YAP1: variants seen among roughly 807,000 people sequenced by gnomAD.
The protein encoded by YAP1 is transcriptional coactivator YAP1.
Under a neutral mutation model 56.9 loss-of-function variants are expected in YAP1, and 5 were observed. The observed-to-expected ratio is 0.09, with a 90% CI of 0.05 to 0.18. YAP1 has a LOEUF of 0.18. Ranked by LOEUF, YAP1 falls within the 10% of genes least tolerant of loss-of-function variation. YAP1 has a pLI of 1.00. For synonymous variants in YAP1, 265 were observed against 248.1 expected, an observed-to-expected ratio of 1.07 and a Z score of -0.64; for missense variants, 539 against 651.8, an observed-to-expected ratio of 0.83 and a Z score of 1.88.
At chr11:102,150,946 G>A (rs1390057010) in intron 2 of YAP1, among the ~76,000 whole-genome samples, 3 of 151,598 alleles carry the variant, frequency 2.0e-5, no homozygotes, top group African/African-American at 4.8e-5. Flanking sequence ...GATTACAGGT[G>A]TGCACCACCA....
intron 3 of YAP1, among the ~76,000 whole-genome samples, chr11:102,162,883 T>G (rs1946377500): frequency 6.6e-6 from 1 of 152,208 alleles, no homozygotes; most frequent in Non-Finnish European, 1.5e-5. Context: ...GCTGCTTTCT[T>G]GTGTCTCAGG....
chr11:102,139,662 C>G (rs896417656), intron 2 of YAP1, among the ~76,000 whole-genome samples: 1 of 152,138 alleles, frequency 6.6e-6, no homozygotes, highest in African/African-American at 2.4e-5. Flanking sequence ...TACTTAAAAT[C>G]AAACCATCTT....
chr11:102,215,326 T>A (rs752146531), intron 6 of YAP1, among the ~76,000 whole-genome samples: 17 of 152,174 alleles, frequency 1.1e-4, no homozygotes, highest in Non-Finnish European at 1.9e-4. Context: ...ACAAATTGAT[T>A]ACCACCCTCC....
intron 2 of YAP1, among the ~76,000 whole-genome samples, chr11:102,161,053 C>CTTTTTTTT (rs67023819): frequency 2.3e-4 from 17 of 75,492 alleles, no homozygotes; most frequent in African/African-American, 4.5e-4. Flanking sequence ...TAATTTCTTT[C>CTTTTTTTT]TTTTTTTTTT....
intron 2 of YAP1, among the ~76,000 whole-genome samples, chr11:102,128,324 T>C (rs536613533): frequency 1.6e-4 from 25 of 152,212 alleles, no homozygotes; most frequent in African/African-American, 5.8e-4. Flanking sequence ...GGGTCTAGTC[T>C]TTCCCGTGCT....
chr11:102,157,357 A>G (rs1946015483), intron 2 of YAP1, among the ~76,000 whole-genome samples: 1 of 152,218 alleles, frequency 6.6e-6, no homozygotes, highest in African/African-American at 2.4e-5. Context: ...CATTGTTCCT[A>G]GAGTCAGTTA....
intron 6 of YAP1, among the ~76,000 whole-genome samples, chr11:102,219,501 G>A (rs1177638834): frequency 6.6e-6 from 1 of 152,068 alleles, no homozygotes; most frequent in Non-Finnish European, 1.5e-5. Flanking sequence ...GGTATTGAGA[G>A]GATGTGTCCT....
chr11:102,135,853 A>G (rs1944644081), intron 2 of YAP1, among the ~76,000 whole-genome samples: 1 of 152,130 alleles, frequency 6.6e-6, no homozygotes, highest in Non-Finnish European at 1.5e-5. Context: ...CTTTTGATCA[A>G]TTTTGTGGGA....
intron 3 of YAP1, among the ~76,000 whole-genome samples, chr11:102,180,421 G>T (rs945300271): frequency 6.6e-6 from 1 of 151,856 alleles, no homozygotes; most frequent in Admixed American, 6.5e-5. Context: ...GGTGGCTCAC[G>T]CCTGTAATCC....
intron 3 of YAP1, among the ~76,000 whole-genome samples, chr11:102,170,775 C>T (rs539005751): frequency 1.3e-5 from 2 of 152,186 alleles, no homozygotes; most frequent in South Asian, 2.1e-4. Flanking sequence ...TCAAGACCAG[C>T]TTGGCCAACA....
intron 2 of YAP1, among the ~76,000 whole-genome samples, chr11:102,150,216 T>C (rs1945556079): frequency 6.6e-6 from 1 of 151,914 alleles, no homozygotes; most frequent in African/African-American, 2.4e-5. Flanking sequence ...ACTCCTGAGC[T>C]CAGGTGATCC....
chr11:102,164,778 A>C (rs966822095), intron 3 of YAP1, among the ~76,000 whole-genome samples: 4 of 151,938 alleles, frequency 2.6e-5, no homozygotes, highest in African/African-American at 9.7e-5. Flanking sequence ...GCTGGAGTGC[A>C]ATGGCACGAT....
At chr11:102,145,673 T>A (rs924514612) in intron 2 of YAP1, among the ~76,000 whole-genome samples, 3 of 152,328 alleles carry the variant, frequency 2.0e-5, no homozygotes, top group Admixed American at 1.3e-4. Context: ...ATGTAAAATG[T>A]TGACTGTATT....
At chr11:102,223,324 A>C (rs1032582789) in intron 6 of YAP1, among the ~76,000 whole-genome samples, 2 of 151,558 alleles carry the variant, frequency 1.3e-5, no homozygotes, top group Non-Finnish European at 2.9e-5. Context: ...AACCCAAAGG[A>C]GGATTTGGGA....
chr11:102,111,416 C>T (rs553369625), intron 1 of YAP1, among the ~76,000 whole-genome samples: 90 of 152,130 alleles, frequency 5.9e-4, no homozygotes, highest in African/African-American at 2.0e-3. Flanking sequence ...GCGGTTGCAG[C>T]CCCGGGGGGC....
chr11:102,197,334 A>G (rs541932921), intron 4 of YAP1, among the ~76,000 whole-genome samples: 7 of 152,298 alleles, frequency 4.6e-5, no homozygotes, highest in African/African-American at 9.6e-5. Context: ...TATTATTGTA[A>G]ATGTATACCC....
intron 7 of YAP1, among the ~76,000 whole-genome samples, chr11:102,226,093 T>C (rs1341376880): frequency 3.3e-5 from 5 of 152,306 alleles, no homozygotes; most frequent in Non-Finnish European, 7.3e-5. Flanking sequence ...CTGATGTGTG[T>C]CCCATGCTTA....
rs1942853316 is a variant in YAP1, at chr11:102,110,907, C to T, written c.59C>T (p.Pro20Leu). 5 of 1,435,128 alleles carry T rather than the reference C, an allele frequency of 3.5e-6. No homozygotes were observed. Among genetic ancestry groups the T allele is most frequent in the Middle Eastern group, 2.5e-4 (1 of 3,942 alleles). The allele number at this position is 1,435,128 out of a possible 1,614,324, so 88.9% of individuals were successfully genotyped here. Residue 20 changes from proline to leucine, a missense_variant, in exon 1 of 9, where the codon CCT becomes CTT. Coordinates refer to ENST00000282441, the MANE Select transcript of YAP1 (RefSeq NM_001130145.3). ...QPAPQGQGQPPSQPPQGQGPP... is the reference protein window; with the variant it reads ...QPAPQGQGQPLSQPPQGQGPP... Reference sequence around the variant, plus strand: ...GCCCCCCAGGGCCAAGGGCAGCCGCCTTCGCAGCCCCCGCAGGGGCAGGGC... The same window carrying T: ...GCCCCCCAGGGCCAAGGGCAGCCGCTTTCGCAGCCCCCGCAGGGGCAGGGC...
intron 2 of YAP1, among the ~76,000 whole-genome samples, chr11:102,157,711 G>C (rs1014054103): frequency 6.6e-6 from 1 of 152,192 alleles, no homozygotes; most frequent in Non-Finnish European, 1.5e-5. Context: ...TTTCTTCAGG[G>C]AAGTGGGTGA....
Sources: gnomAD v4.1 joint callset for allele counts (sites outside exome capture counted in the v4.1 genomes callset) on GRCh38, gnomAD v4.1.1 for gene constraint, MANE v1.5 for transcripts, NCBI Gene and HGNC (gene_info 2026-07-23, HGNC 2026-07-21) for gene names.